The following NRG3 variants were observed in gnomAD, a reference collection of about 807,000 sequenced individuals.
NRG3 encodes neuregulin 3.
Under a neutral mutation model 66.9 loss-of-function variants are expected in NRG3, and 31 were observed. That is an observed-to-expected ratio of 0.46 (90% CI 0.35 to 0.63). The LOEUF is 0.63. NRG3 is among the 20% of genes least tolerant of loss of function. The pLI is 0.00. For synonymous variants in NRG3, 393 were observed against 359.4 expected (o/e 1.09, Z -1.06); for missense variants, 910 against 878.9 (o/e 1.04, Z -0.45).
chr10:82,604,558 A>G, intron 2 of NRG3, among the ~76,000 whole-genome samples: 1 of 152,106 alleles, frequency 6.6e-6, no homozygotes, highest in African/African-American at 2.4e-5. Context: ...CAACGAGTGC[A>G]ATGTTTGGAT....
chr10:81,886,288 A>T (rs1053803144), intron 1 of NRG3, among the ~76,000 whole-genome samples: 15 of 152,202 alleles, frequency 9.9e-5, no homozygotes, highest in African/African-American at 3.6e-4. Context: ...GGTATTAGTT[A>T]TATTAGCTCC....
intron 1 of NRG3, among the ~76,000 whole-genome samples, chr10:82,300,067 A>T (rs1037421033): frequency 6.6e-6 from 1 of 152,170 alleles, no homozygotes; most frequent in Non-Finnish European, 1.5e-5. Flanking sequence ...ATATACACAC[A>T]CAAAGAATGT....
chr10:82,238,549 G>A (rs991815755), intron 1 of NRG3, among the ~76,000 whole-genome samples: 3 of 151,996 alleles, frequency 2.0e-5, no homozygotes, highest in Non-Finnish European at 2.9e-5. Context: ...ATTGCCTTCT[G>A]ACTTTTTGCA....
At chr10:82,880,103 TC>T (rs1842179174) in intron 4 of NRG3, among the ~76,000 whole-genome samples, 1 of 152,222 alleles carries the variant, frequency 6.6e-6, no homozygotes, top group African/African-American at 2.4e-5. Flanking sequence ...GAATGAATGT[TC>T]ACTATTATAT....
chr10:82,527,866 A>G (rs656298), intron 2 of NRG3, among the ~76,000 whole-genome samples: 57,485 of 151,188 alleles, frequency 0.38, 12,924 homozygotes, highest in African/African-American at 0.63. Context: ...GCAGTTTTAT[A>G]CAGTCTTATA....
chr10:82,031,665 A>G (rs945912314), intron 1 of NRG3, among the ~76,000 whole-genome samples: 1 of 152,092 alleles, frequency 6.6e-6, no homozygotes, highest in Non-Finnish European at 1.5e-5. Flanking sequence ...TCTTAATAAT[A>G]ACAGTGATAG....
At chr10:82,962,695 C>T (rs1434279628) in intron 6 of NRG3, among the ~76,000 whole-genome samples, 2 of 151,926 alleles carry the variant, frequency 1.3e-5, no homozygotes, top group African/African-American at 2.4e-5. Flanking sequence ...AGAAATTAGC[C>T]AGGCGTGGTG....
At chr10:82,241,736 C>T (rs2077015043) in intron 1 of NRG3, among the ~76,000 whole-genome samples, 2 of 151,994 alleles carry the variant, frequency 1.3e-5, no homozygotes, top group South Asian at 4.1e-4. Flanking sequence ...AGGTTAAATT[C>T]CCCCAGTGAT....
At chr10:82,340,002 G>A (rs748966625) in intron 1 of NRG3, among the ~76,000 whole-genome samples, 51 of 151,738 alleles carry the variant, frequency 3.4e-4, no homozygotes, top group Non-Finnish European at 3.5e-4. Context: ...TAACTTTTCC[G>A]GTCAGCCAGA....
At chr10:82,304,902 A>G (rs563762233) in intron 1 of NRG3, among the ~76,000 whole-genome samples, 1 of 150,464 alleles carries the variant, frequency 6.6e-6, no homozygotes, top group Non-Finnish European at 1.5e-5. Context: ...CTTGGGAGCT[A>G]TCTTAAAATA....
At chr10:81,941,149 C>T (rs902487152) in intron 1 of NRG3, among the ~76,000 whole-genome samples, 3 of 152,120 alleles carry the variant, frequency 2.0e-5, no homozygotes, top group South Asian at 2.1e-4. Flanking sequence ...ACAGCATGCA[C>T]AAGAGACAAT....
intron 1 of NRG3, 150 bp from the exon 2 acceptor site, chr10:82,358,589 G>A: frequency 1.0e-6 from 1 of 992,792 alleles, no homozygotes; most frequent in Non-Finnish European, 1.5e-6. Flanking sequence ...CATTTGGTCA[G>A]TACCAAGGAG....
chr10:82,333,960 C>T (rs1589751965), intron 1 of NRG3, among the ~76,000 whole-genome samples: 1 of 151,962 alleles, frequency 6.6e-6, no homozygotes, highest in South Asian at 2.1e-4. Context: ...GAGGCTGAGG[C>T]GGGCGGATCA....
At chr10:82,153,411 T>TTG (rs34783247) in intron 1 of NRG3, among the ~76,000 whole-genome samples, 89,573 of 146,370 alleles carry the variant, frequency 0.61, 27,771 homozygotes, top group Middle Eastern at 0.72. Flanking sequence ...TAGTATTCCA[T>TTG]TGTGTGTGTG....
At position 81,999,374 on chromosome 10, in the gene NRG3, TA is replaced by T. The variant is rs139682522; in HGVS notation, c.823+123213del. Among the ~76,000 whole-genome samples the T allele has an allele frequency of 4.4e-3, 670 of 152,328 alleles. 4 individuals carry two copies. Among genetic ancestry groups the T allele is most frequent in the African/African-American group, 0.015 (631 of 41,572 alleles). On this transcript the variant is annotated intron_variant, in intron 1 of 8. Coordinates refer to ENST00000372141, the MANE Select transcript of NRG3 (RefSeq NM_001010848.4). ...AAAGAAGTACGTTGGTGTTTTCAACTAAGTTATTTTGAAGAATTGAGATCAT... is the reference window on the plus strand; with the variant it reads ...AAAGAAGTACGTTGGTGTTTTCAACTAGTTATTTTGAAGAATTGAGATCAT...
chr10:81,918,450 C>G (rs536662328), intron 1 of NRG3, among the ~76,000 whole-genome samples: 2 of 152,134 alleles, frequency 1.3e-5, no homozygotes, highest in Non-Finnish European at 2.9e-5. Context: ...ATCAGGTACT[C>G]CATCATCTGC....
intron 4 of NRG3, among the ~76,000 whole-genome samples, chr10:82,922,595 A>C (rs1259470873): frequency 3.3e-5 from 5 of 152,192 alleles, no homozygotes; most frequent in South Asian, 2.1e-4. Flanking sequence ...TGGATGATAG[A>C]GGACACTCAA....
At chr10:82,543,354 T>A (rs952827198) in intron 2 of NRG3, among the ~76,000 whole-genome samples, 6 of 152,164 alleles carry the variant, frequency 3.9e-5, no homozygotes, top group Admixed American at 1.3e-4. Flanking sequence ...GGGCATCATG[T>A]CAACACACCT....
intron 2 of NRG3, among the ~76,000 whole-genome samples, chr10:82,452,233 A>G (rs541798650): frequency 6.6e-6 from 1 of 152,330 alleles, no homozygotes; most frequent in African/African-American, 2.4e-5. Flanking sequence ...TTGGGCTGTT[A>G]GACACAATTC....
Sources: gnomAD v4.1 joint callset for allele counts (sites outside exome capture counted in the v4.1 genomes callset) on GRCh38, gnomAD v4.1.1 for gene constraint, MANE v1.5 for transcripts, NCBI Gene and HGNC (gene_info 2026-07-23, HGNC 2026-07-21) for gene names.